IGSF5: variants seen among roughly 807,000 people sequenced by gnomAD.
IGSF5 encodes immunoglobulin superfamily member 5.
A neutral mutation model predicts 39.4 loss-of-function variants in IGSF5; 41 were observed. The observed-to-expected ratio is 1.04, with a 90% confidence interval of 0.81 to 1.35. The LOEUF (loss-of-function observed/expected upper bound fraction) is 1.35, where lower values mean the gene tolerates loss of function less well. Among genes scored for constraint, IGSF5 ranks in the 40% most tolerant of loss-of-function variants. The pLI is 0.00. For synonymous variants in IGSF5, 183 were observed against 175.3 expected, an observed-to-expected ratio of 1.04 and a Z score of -0.34; for missense variants, 487 against 494.6, an observed-to-expected ratio of 0.98 and a Z score of 0.15.
chr21:39,781,571 G>A (rs1226913167), intron 5 of IGSF5, among the ~76,000 whole-genome samples: 2 of 152,170 alleles, frequency 1.3e-5, no homozygotes, highest in African/African-American at 4.8e-5. Flanking sequence ...CAGCAAGGTT[G>A]TACAATTTGC....
At chr21:39,714,197 G>C in the IGSF5 span, among the ~76,000 whole-genome samples, 1 of 152,366 alleles carries the variant, frequency 6.6e-6, no homozygotes, top group East Asian at 1.9e-4. Context: ...GGGCTCAGCA[G>C]CTGTGCTTGG....
the IGSF5 span, among the ~76,000 whole-genome samples, chr21:39,716,099 C>T: frequency 6.6e-6 from 1 of 152,156 alleles, no homozygotes. Flanking sequence ...TCAGGAGGGT[C>T]GTGCACTAGA....
At position 39,755,923 on chromosome 21, in the gene IGSF5, G is replaced by A. The variant is rs1303795416; in HGVS notation, c.101-9612G>A. Among the ~76,000 whole-genome samples, 4 of 150,068 alleles carry A rather than the reference G, an allele frequency of 2.7e-5. 1 individual carries two copies. The highest frequency in any genetic ancestry group is 9.8e-5 in the African/African-American group (4 of 40,676). On this transcript the variant is annotated intron_variant, in intron 2 of 8. Transcript: ENST00000380588. ...GTTTGAGACCAGCCTGGCCAACATG[G>A]TGAAACTCCATCTCTACTAAAAATA...
chr21:39,782,487 A>AC (rs1465238397), intron 5 of IGSF5, among the ~76,000 whole-genome samples: 2 of 152,296 alleles, frequency 1.3e-5, no homozygotes, highest in East Asian at 3.9e-4. Context: ...CAAAATAAAC[A>AC]CTGTACCTAT....
At chr21:39,740,781 C>T (rs370725021), upstream of IGSF5, among the ~76,000 whole-genome samples, 15 of 152,304 alleles carry the variant, frequency 9.8e-5, 1 homozygote, top group African/African-American at 3.6e-4. Context: ...AGGTTAAGAG[C>T]TGCACAAGTG....
chr21:39,712,145 C>T, the IGSF5 span, among the ~76,000 whole-genome samples: 1 of 152,116 alleles, frequency 6.6e-6, no homozygotes. Context: ...TTATTGATTT[C>T]AAGAGAATAT....
chr21:39,746,219 C>A lies in IGSF5; in HGVS notation c.21C>A (p.Ser7Arg). The stretch of plus-strand genomic sequence containing the variant: ...AATGGGCGCCTCACTGGATCAGGAG[C>A]ACAGCAGATACTCTGCCGGATCTGG... Reference protein sequence around the residue: MGQKERSTADTLPDLEE... With the variant: MGQKERRTADTLPDLEE... The change falls in exon 2 of 9, where the codon AGC becomes AGA. Residue 7 changes from serine (S) to arginine (R), a missense_variant. Coordinates refer to ENST00000380588, the MANE Select transcript of IGSF5 (RefSeq NM_001080444.2). 1.4e-6 allele frequency: 1 copy of A among 701,894 alleles called. No individual in the cohort carries two copies. The allele number at this position is 701,894 out of a possible 1,614,324, so 43.5% of individuals were successfully genotyped here. A position where few individuals can be genotyped will look rare whatever the true frequency, so the allele number is the denominator to read the frequency against.
At chr21:39,767,259 T>A (rs1171497964) in intron 3 of IGSF5, among the ~76,000 whole-genome samples, 2 of 152,208 alleles carry the variant, frequency 1.3e-5, no homozygotes, top group Non-Finnish European at 1.5e-5. Flanking sequence ...ATCTTTAACC[T>A]GGAGATGAAT....
the IGSF5 span, among the ~76,000 whole-genome samples, chr21:39,712,995 C>T: frequency 4.6e-5 from 7 of 152,314 alleles, no homozygotes; most frequent in Non-Finnish European, 7.3e-5. Flanking sequence ...TCCCTCATTA[C>T]GTCTTTCAGG....
intron 3 of IGSF5, among the ~76,000 whole-genome samples, chr21:39,769,489 AAAG>A (rs1569252968): frequency 6.7e-6 from 1 of 150,308 alleles, no homozygotes; most frequent in Non-Finnish European, 1.5e-5. Flanking sequence ...AAAAAAAAAA[AAAG>A]AGAAAAGTAA....
the IGSF5 span, among the ~76,000 whole-genome samples, chr21:39,719,704 A>G: frequency 1.3e-5 from 2 of 152,230 alleles, no homozygotes; most frequent in Non-Finnish European, 2.9e-5. Flanking sequence ...ACTCTCACTA[A>G]GGGTCACTGG....
chr21:39,759,203 G>T (rs1013880373), intron 2 of IGSF5, among the ~76,000 whole-genome samples: 60 of 152,338 alleles, frequency 3.9e-4, no homozygotes, highest in African/African-American at 1.4e-3. Flanking sequence ...AGAGTGTGTT[G>T]CCTGCCTAAG....
At chr21:39,780,958 A>C (rs1297829889) in intron 5 of IGSF5, among the ~76,000 whole-genome samples, 1 of 152,200 alleles carries the variant, frequency 6.6e-6, no homozygotes, top group African/African-American at 2.4e-5. Context: ...GTTAGCTTGC[A>C]TGTCAGTTGA....
chr21:39,747,707 T>C (rs1056778642), intron 2 of IGSF5, among the ~76,000 whole-genome samples: 1 of 152,224 alleles, frequency 6.6e-6, no homozygotes, highest in Non-Finnish European at 1.5e-5. Context: ...CATTTTAAAT[T>C]AACAGGAATA....
intron 2 of IGSF5, among the ~76,000 whole-genome samples, chr21:39,755,578 C>G (rs2080025506): frequency 1.6e-5 from 2 of 122,480 alleles, no homozygotes; most frequent in South Asian, 6.2e-4. Flanking sequence ...CAGAGCGAGA[C>G]TCCATCTCAA....
chr21:39,719,079 G>C, the IGSF5 span, among the ~76,000 whole-genome samples: 1 of 152,190 alleles, frequency 6.6e-6, no homozygotes, highest in Non-Finnish European at 1.5e-5. Context: ...AATCTTGGGA[G>C]GGTGTATGTG....
intron 2 of IGSF5, among the ~76,000 whole-genome samples, chr21:39,758,742 G>A (rs376876765): frequency 6.6e-6 from 1 of 152,178 alleles, no homozygotes; most frequent in East Asian, 1.9e-4. Context: ...GTGCTGGGAG[G>A]AACTGGGGTT....
intron 5 of IGSF5, among the ~76,000 whole-genome samples, chr21:39,784,602 G>C (rs2080187480): frequency 1.3e-5 from 2 of 152,014 alleles, no homozygotes; most frequent in South Asian, 2.1e-4. Context: ...AGAGTGAACT[G>C]TCACCCCACC....
intron 5 of IGSF5, among the ~76,000 whole-genome samples, chr21:39,782,671 A>T (rs2080177491): frequency 6.6e-6 from 1 of 152,172 alleles, no homozygotes; most frequent in South Asian, 2.1e-4. Context: ...TATAATGATC[A>T]AATCAGGGTA....
Sources: allele counts gnomAD v4.1 joint callset (sites outside exome capture counted in the v4.1 genomes callset), GRCh38; gene constraint gnomAD v4.1.1; transcripts MANE v1.5; gene names NCBI Gene and HGNC (gene_info 2026-07-23, HGNC 2026-07-21).